Variants in LAMB1 observed in about 807,000 individuals in gnomAD.
The protein encoded by LAMB1 is laminin subunit beta-1.
Under a neutral mutation model 222.3 loss-of-function variants are expected in LAMB1, and 121 were observed. The observed-to-expected ratio is 0.54, with a 90% CI of 0.47 to 0.63. The LOEUF is 0.63. Ranked by LOEUF, LAMB1 falls within the 30% of genes least tolerant of loss-of-function variation. LAMB1 has a pLI of 0.00. For missense variants in LAMB1, 2,172 were observed against 2,240.8 expected (o/e 0.97, Z 0.62); for synonymous variants, 794 against 807.2 (o/e 0.98, Z 0.28).
intron 27 of LAMB1, among the ~76,000 whole-genome samples, chr7:107,933,174 A>G (rs764637797): frequency 1.3e-5 from 2 of 152,220 alleles, no homozygotes; most frequent in Non-Finnish European, 2.9e-5. Context: ...CAAATTGATA[A>G]ATTATAATAC....
intron 25 of LAMB1, among the ~76,000 whole-genome samples, chr7:107,939,000 G>A (rs1174097464): frequency 1.3e-5 from 2 of 152,150 alleles, no homozygotes. Flanking sequence ...GCTGATTAAA[G>A]TCTCATCACA....
intron 31 of LAMB1, among the ~76,000 whole-genome samples, chr7:107,928,597 A>G (rs532386057): frequency 2.6e-5 from 4 of 152,128 alleles, no homozygotes; most frequent in African/African-American, 9.6e-5. Context: ...GGTTCAAGCA[A>G]TTCTCCTGCC....
chr7:107,964,582 G>A lies in LAMB1; in HGVS notation c.1668C>T (p.Leu556=). The A allele has an allele frequency of 6.2e-7, 1 of 1,614,180 alleles. No homozygotes were observed. The highest frequency in any genetic ancestry group is 8.5e-7 in the Non-Finnish European group (1 of 1,180,034). ...GYYFATLDHY[L]YEAEEANLGP... ...CCAAGTTGGCTTCCTCCGCTTCATA[G>A]AGGTAGTGATCCAGGGTGGCAAAGT... Residue 556 remains leucine, a synonymous_variant, in exon 14 of 34, where the codon CTC becomes CTT. Transcript: ENST00000222399.
Position 107,952,185 on chromosome 7 carries a change from A to G in LAMB1, c.3118T>C (p.Cys1040Arg). ...CNYLGTVQEH[C>R]NGSDCQCDKA... Reference sequence around the variant, plus strand: ...TCGCACTGGCAGTCAGAGCCGTTACAGTGCTCTTGCACGGTGCCCAGGTAA... The same window carrying G: ...TCGCACTGGCAGTCAGAGCCGTTACGGTGCTCTTGCACGGTGCCCAGGTAA... The change falls in exon 23 of 34, where the codon TGT (cysteine) becomes CGT (arginine). Residue 1040 changes from cysteine (C) to arginine (R), a missense_variant. Cys to Arg is a radical substitution (Grantham distance 180). Transcript: ENST00000222399. 6.2e-7 allele frequency: 1 copy of G among 1,613,020 alleles called. No individual in the cohort carries two copies. The highest frequency in any genetic ancestry group is 1.7e-4 in the Middle Eastern group (1 of 6,058).
At position 107,924,538 on chromosome 7, in the gene LAMB1, A is replaced by G. The variant is rs76734182; in HGVS notation, c.5065-149T>C. On this transcript the variant is annotated intron_variant, in intron 32 of 33. Transcript: ENST00000222399. ...GTAATTTAAAATTTTATCTTCAAAC[A>G]GTGGAATTGAATGCAAAATTGACAT... 4,879 of 592,396 alleles carry G rather than the reference A, an allele frequency of 8.2e-3. 189 individuals carry two copies. The African/African-American group carries it at 0.084, about 10-fold the overall frequency. The allele number at this position is 592,396 out of a possible 1,614,324, so 36.7% of individuals were successfully genotyped here.
intron 13 of LAMB1, among the ~76,000 whole-genome samples, chr7:107,969,376 A>T (rs193225244): frequency 2.6e-5 from 4 of 152,326 alleles, no homozygotes; most frequent in African/African-American, 9.6e-5. Context: ...AAGAAAATGG[A>T]ATTTTAACAT....
chr7:107,991,552 A>C (rs2034182049), intron 5 of LAMB1, among the ~76,000 whole-genome samples: 1 of 151,280 alleles, frequency 6.6e-6, no homozygotes, highest in Non-Finnish European at 1.5e-5. Context: ...GTGCCACTGC[A>C]CTCCATCCTG....
Position 107,935,661 on chromosome 7 carries a change from G to A in LAMB1, c.3947-5C>T, listed in dbSNP as rs749195283. 1.3e-5 allele frequency: 21 copies of A among 1,612,978 alleles called. No individual in the cohort carries two copies. Among genetic ancestry groups the A allele is most frequent in the Admixed American group, 6.7e-5 (4 of 59,948 alleles). On this transcript the variant is annotated splice_region_variant and splice_polypyrimidine_tract_variant and intron_variant, in intron 26 of 33. Coordinates refer to ENST00000222399, the MANE Select transcript of LAMB1 (RefSeq NM_002291.3). ...TGGTAATGCTATCCAAGGCACCTAG[G>A]GTAGGAAATGAAATTGCCCACAGTT...
intron 15 of LAMB1, among the ~76,000 whole-genome samples, chr7:107,962,587 G>T (rs1357849927): frequency 1.3e-5 from 2 of 151,936 alleles, no homozygotes; most frequent in Non-Finnish European, 2.9e-5. Context: ...GGTGGCGCAT[G>T]CCTGTAATCC....
intron 24 of LAMB1, among the ~76,000 whole-genome samples, chr7:107,950,148 T>G (rs892092686): frequency 2.6e-5 from 4 of 152,036 alleles, no homozygotes; most frequent in Non-Finnish European, 5.9e-5. Flanking sequence ...GAGAATCGCT[T>G]GAACCCAGGA....
chr7:107,964,732 G>C, intron 13 of LAMB1, 45 bp from the exon 14 acceptor site: 2 of 1,604,292 alleles, frequency 1.2e-6, no homozygotes, highest in Non-Finnish European at 8.5e-7. Flanking sequence ...ATGGTCACGC[G>C]AGTCAACCCG....
intron 28 of LAMB1, 31 bp downstream of exon 28, chr7:107,932,143 T>A: frequency 6.2e-7 from 1 of 1,601,316 alleles, no homozygotes; most frequent in Non-Finnish European, 8.6e-7. Context: ...CAAACATACA[T>A]AACAAAAACT....
chr7:107,931,260 C>G, intron 29 of LAMB1, 96 bp downstream of exon 29: 6 of 1,025,852 alleles, frequency 5.8e-6, no homozygotes, highest in Non-Finnish European at 2.9e-6. Flanking sequence ...TTGGAAATGT[C>G]ACTTAGTACC....
intron 17 of LAMB1, 67 bp from the exon 18 acceptor site, chr7:107,960,716 A>G: frequency 7.4e-7 from 1 of 1,355,092 alleles, no homozygotes; most frequent in Non-Finnish European, 1.1e-6. Flanking sequence ...TTAAGCAAGC[A>G]AACGTGTAGA....
chr7:107,962,690 GAC>G (rs1237784857), intron 15 of LAMB1, among the ~76,000 whole-genome samples: 2 of 140,352 alleles, frequency 1.4e-5, no homozygotes, highest in Admixed American at 7.5e-5. Context: ...CTCCAGCCTG[GAC>G]AACAGAGCGA....
chr7:107,968,506 G>A (rs750719316), intron 13 of LAMB1, among the ~76,000 whole-genome samples: 21 of 152,168 alleles, frequency 1.4e-4, no homozygotes, highest in Non-Finnish European at 2.1e-4. Flanking sequence ...AAGATGGAGC[G>A]ATTATTGGAT....
intron 15 of LAMB1, among the ~76,000 whole-genome samples, chr7:107,962,226 AG>A (rs2033520516): frequency 6.6e-6 from 1 of 152,156 alleles, no homozygotes; most frequent in Non-Finnish European, 1.5e-5. Flanking sequence ...CCCATCTTCT[AG>A]GATCATGCAT....
chr7:107,959,833 A>G lies in LAMB1; in HGVS notation c.2316T>C (p.Ala772=). 6.2e-7 allele frequency: 1 copy of G among 1,612,190 alleles called. No homozygotes were observed. The highest frequency in any genetic ancestry group is 8.5e-7 in the Non-Finnish European group (1 of 1,179,038). Residue 772 remains alanine, a splice_region_variant and synonymous_variant, in exon 19 of 34, where the codon GCT becomes GCC. Coordinates refer to ENST00000222399, the MANE Select transcript of LAMB1 (RefSeq NM_002291.3). ...ACGAACCCTGAGGGTCGCATTCACA[A>G]GCTGTGGGTAAAGAGAGGCCAGAAC... The part of the protein sequence containing the change: ...ISALLHQTGL[A]CECDPQGSLS...
intron 15 of LAMB1, among the ~76,000 whole-genome samples, chr7:107,962,495 C>A (rs924245041): frequency 6.6e-6 from 1 of 152,284 alleles, no homozygotes; most frequent in Middle Eastern, 3.4e-3. Context: ...GGGCGAATCA[C>A]CTGAGGTCAG....
Sources: allele counts gnomAD v4.1 joint callset (sites outside exome capture counted in the v4.1 genomes callset), GRCh38; gene constraint gnomAD v4.1.1; transcripts MANE v1.5; gene names NCBI Gene and HGNC (gene_info 2026-07-23, HGNC 2026-07-21).